Variants in ARMC2 observed in about 807,000 individuals in gnomAD.
ARMC2 encodes the protein armadillo repeat-containing protein 2.
A neutral mutation model predicts 90.3 loss-of-function variants in ARMC2; 67 were observed. That is an observed-to-expected ratio of 0.74 (90% CI 0.61 to 0.91). ARMC2 has a LOEUF of 0.91. ARMC2 is among the 40% of genes least tolerant of loss of function. The pLI is 0.00. For missense variants in ARMC2, 920 were observed against 1,030.9 expected, an observed-to-expected ratio of 0.89 and a Z score of 1.47; for synonymous variants, 393 against 393.0, an observed-to-expected ratio of 1.00 and a Z score of 0.00.
chr6:109,024,613 A>G, the ARMC2 span, among the ~76,000 whole-genome samples: 5 of 152,344 alleles, frequency 3.3e-5, no homozygotes, highest in Middle Eastern at 3.4e-3. Flanking sequence ...TCATAAGTAA[A>G]AAATGCATTT....
At chr6:108,890,189 C>CAAAAAAAAAAAAAAAAAAAAAAAAAAA (rs869186045) in intron 5 of ARMC2, among the ~76,000 whole-genome samples, 1 of 64,222 alleles carries the variant, frequency 1.6e-5, no homozygotes, top group African/African-American at 9.0e-5. Flanking sequence ...GACTCCGTCT[C>CAAAAAAAAAAAAAAAAAAAAAAAAAAA]AAAAAAAAAA....
the ARMC2 span, among the ~76,000 whole-genome samples, chr6:108,994,855 A>T: frequency 2.0e-5 from 3 of 151,966 alleles, no homozygotes; most frequent in Non-Finnish European, 4.4e-5. Context: ...GGTGCCTGCC[A>T]CCATGCCCGG....
At chr6:109,009,343 C>A in the ARMC2 span, 1 of 1,468,696 alleles carries the variant, frequency 6.8e-7, no homozygotes, top group Non-Finnish European at 9.0e-7. Context: ...GCCCGCTCAG[C>A]CCCTCGCCCA....
chr6:108,901,176 C>CA (rs1213296184), intron 7 of ARMC2, among the ~76,000 whole-genome samples: 2 of 123,494 alleles, frequency 1.6e-5, no homozygotes, highest in African/African-American at 6.3e-5. Flanking sequence ...TGCAGTGGCG[C>CA]AATCTCGGCT....
the ARMC2 span, among the ~76,000 whole-genome samples, chr6:109,034,256 T>C: frequency 6.6e-6 from 1 of 152,228 alleles, no homozygotes; most frequent in Non-Finnish European, 1.5e-5. Flanking sequence ...GTATTTGAGA[T>C]AAAAATTATT....
At chr6:109,050,938 C>A in the ARMC2 span, among the ~76,000 whole-genome samples, 8 of 152,090 alleles carry the variant, frequency 5.3e-5, no homozygotes, top group Admixed American at 5.2e-4. Flanking sequence ...TCAGCCACCT[C>A]CATAGAAATA....
intron 17 of ARMC2, among the ~76,000 whole-genome samples, chr6:108,972,086 G>C (rs1007023059): frequency 1.3e-5 from 2 of 152,192 alleles, no homozygotes; most frequent in African/African-American, 2.4e-5. Context: ...CTGTCACACA[G>C]AGTGTGAGGC....
chr6:108,961,898 G>A (rs542466515), intron 14 of ARMC2, 116 bp from the exon 15 acceptor site: 1 of 978,938 alleles, frequency 1.0e-6, no homozygotes, highest in South Asian at 1.7e-5. Context: ...GTCCCTTACA[G>A]TTTGTAATTT....
At chr6:108,987,780 T>A in the ARMC2 span, 2 of 457,512 alleles carry the variant, frequency 4.4e-6, no homozygotes, top group Admixed American at 8.2e-5. Flanking sequence ...TTGAACAGAT[T>A]ATAAATTTCT....
intron 11 of ARMC2, among the ~76,000 whole-genome samples, chr6:108,930,755 C>G (rs1775483239): frequency 6.6e-6 from 1 of 151,840 alleles, no homozygotes; most frequent in Non-Finnish European, 1.5e-5. Flanking sequence ...CACACCACGC[C>G]CAGCTAATTT....
intron 5 of ARMC2, among the ~76,000 whole-genome samples, chr6:108,887,197 CCA>C (rs1770453585): frequency 6.6e-6 from 1 of 152,118 alleles, no homozygotes; most frequent in Admixed American, 6.5e-5. Flanking sequence ...CAGATGTGAG[CCA>C]CCATGCCTGG....
At chr6:108,949,429 T>G (rs576300673) in intron 12 of ARMC2, among the ~76,000 whole-genome samples, 1 of 152,376 alleles carries the variant, frequency 6.6e-6, no homozygotes, top group South Asian at 2.1e-4. Flanking sequence ...GTGTGTTAGT[T>G]GCTGCTGTTA....
intron 6 of ARMC2, 32 bp from the exon 7 acceptor site, chr6:108,899,651 CCTTTTTCATAG>C: frequency 6.8e-7 from 1 of 1,481,354 alleles, no homozygotes; most frequent in Non-Finnish European, 9.4e-7. Flanking sequence ...CATGACAACT[CCTTTTTCATAG>C]CTTTTTCTCC....
intron 4 of ARMC2, among the ~76,000 whole-genome samples, chr6:108,871,799 A>G (rs1461826291): frequency 3.3e-5 from 5 of 152,124 alleles, no homozygotes; most frequent in Non-Finnish European, 7.4e-5. Context: ...ATTTCCCAGC[A>G]CTGAGGCCAG....
At chr6:108,927,577 T>A (rs1397926772) in intron 10 of ARMC2, among the ~76,000 whole-genome samples, 1 of 152,046 alleles carries the variant, frequency 6.6e-6, no homozygotes, top group Non-Finnish European at 1.5e-5. Context: ...TAAGACAAAT[T>A]TGTGAGATCT....
chr6:108,863,231 C>T (rs1775464564), intron 3 of ARMC2, among the ~76,000 whole-genome samples: 1 of 152,066 alleles, frequency 6.6e-6, no homozygotes, highest in Non-Finnish European at 1.5e-5. Context: ...TACAGGTGTG[C>T]ACCACCACAC....
At chr6:108,881,994 T>C (rs1777629974) in intron 5 of ARMC2, among the ~76,000 whole-genome samples, 1 of 152,064 alleles carries the variant, frequency 6.6e-6, no homozygotes, top group Admixed American at 6.6e-5. Context: ...AACGTGGGAC[T>C]TGAGCTTAGA....
chr6:108,864,238 AT>A (rs1001503338), intron 3 of ARMC2, among the ~76,000 whole-genome samples: 1 of 134,992 alleles, frequency 7.4e-6, no homozygotes, highest in African/African-American at 2.8e-5. Flanking sequence ...TGCTTGTGTG[AT>A]TTTTTTTTCT....
chr6:109,013,498 G>A, the ARMC2 span, among the ~76,000 whole-genome samples: 4 of 152,098 alleles, frequency 2.6e-5, no homozygotes, highest in African/African-American at 4.8e-5. Flanking sequence ...TTCCCTGAGC[G>A]CATTAGGTCT....
Sources: gnomAD v4.1 joint callset for allele counts (sites outside exome capture counted in the v4.1 genomes callset) on GRCh38, gnomAD v4.1.1 for gene constraint, MANE v1.5 for transcripts, NCBI Gene and HGNC (gene_info 2026-07-23, HGNC 2026-07-21) for gene names.